ADGRB3: variants seen among roughly 807,000 people sequenced by gnomAD.
The protein encoded by ADGRB3 is brain-specific angiogenesis inhibitor 3.
In ADGRB3, 37 loss-of-function variants were observed where a neutral mutation model predicts 193.4. That is an observed-to-expected ratio of 0.19 (90% CI 0.15 to 0.25). The LOEUF (loss-of-function observed/expected upper bound fraction) is 0.25. ADGRB3 is among the 10% of genes least tolerant of loss of function. ADGRB3 has a pLI of 1.00. For missense variants in ADGRB3, 1,637 were observed against 1,852.9 expected (o/e 0.88, Z 2.14); for synonymous variants, 690 against 644.2 (o/e 1.07, Z -1.08).
intron 17 of ADGRB3, among the ~76,000 whole-genome samples, chr6:69,096,199 C>T (rs955408082): frequency 2.0e-5 from 3 of 152,096 alleles, no homozygotes; most frequent in Non-Finnish European, 4.4e-5. Context: ...TAATTTTTCA[C>T]CACTAACTGT....
intron 3 of ADGRB3, among the ~76,000 whole-genome samples, chr6:68,922,701 AATT>A: frequency 6.6e-6 from 1 of 152,230 alleles, no homozygotes; most frequent in African/African-American, 2.4e-5. Flanking sequence ...AGGTGCAGGG[AATT>A]TAAGGCGTGA....
chr6:68,705,311 T>C (rs561704161), intron 3 of ADGRB3, among the ~76,000 whole-genome samples: 1 of 152,240 alleles, frequency 6.6e-6, no homozygotes, highest in South Asian at 2.1e-4. Context: ...TATCCATTGC[T>C]ATTTGTGTTT....
intron 3 of ADGRB3, among the ~76,000 whole-genome samples, chr6:68,728,789 A>C (rs1395630282): frequency 6.6e-6 from 1 of 151,618 alleles, no homozygotes; most frequent in Admixed American, 6.6e-5. Context: ...ACCAGAGTTC[A>C]ACAAAACATC....
At chr6:69,204,023 A>G (rs1765486533) in intron 17 of ADGRB3, among the ~76,000 whole-genome samples, 1 of 152,124 alleles carries the variant, frequency 6.6e-6, no homozygotes, top group Admixed American at 6.6e-5. Context: ...TAACAATCCC[A>G]AAGCTGTGCC....
chr6:69,179,789 C>T (rs1460052698), intron 17 of ADGRB3, among the ~76,000 whole-genome samples: 2 of 152,166 alleles, frequency 1.3e-5, no homozygotes, highest in Non-Finnish European at 2.9e-5. Context: ...TTATATTGGA[C>T]TGTGCAGTTT....
rs530178610 is a variant in ADGRB3, at chr6:69,011,064, T to C, written c.1930-2974T>C. On this transcript the variant is annotated intron_variant, in intron 11 of 31. Coordinates refer to ENST00000370598, the MANE Select transcript of ADGRB3 (RefSeq NM_001704.3). ...TGTTAGGTTTGGTTCTATTTATCAG[T>C]CTGATAGTTTAGTAAATGTCAAAGT... Among the ~76,000 whole-genome samples the C allele has an allele frequency of 7.0e-4, 107 of 152,036 alleles. 1 individual carries two copies. The highest frequency in any genetic ancestry group is 2.5e-3 in the African/African-American group (102 of 41,486).
intron 17 of ADGRB3, among the ~76,000 whole-genome samples, chr6:69,152,719 C>T (rs970288623): frequency 2.6e-5 from 4 of 152,152 alleles, no homozygotes; most frequent in African/African-American, 9.7e-5. Flanking sequence ...AAAGGATGCA[C>T]ATTTAAGAAA....
intron 3 of ADGRB3, among the ~76,000 whole-genome samples, chr6:68,862,686 A>C (rs1034301087): frequency 3.3e-5 from 5 of 152,044 alleles, no homozygotes; most frequent in African/African-American, 1.2e-4. Context: ...TTTTAGTTTA[A>C]AGGTCTGATA....
intron 17 of ADGRB3, among the ~76,000 whole-genome samples, chr6:69,196,463 A>T (rs114085544): frequency 2.2e-3 from 337 of 152,204 alleles, no homozygotes; most frequent in African/African-American, 7.6e-3. Context: ...TTGTTTCATA[A>T]GAGTCCTCTC....
chr6:69,376,286 T>TG (rs1328797234), intron 30 of ADGRB3, among the ~76,000 whole-genome samples: 2 of 151,662 alleles, frequency 1.3e-5, no homozygotes, highest in African/African-American at 4.8e-5. Flanking sequence ...TTTGTATAGA[T>TG]GGGGTCTCAC....
At chr6:68,645,285 G>T (rs1283401226) in intron 3 of ADGRB3, among the ~76,000 whole-genome samples, 1 of 151,872 alleles carries the variant, frequency 6.6e-6, no homozygotes, top group South Asian at 2.1e-4. Context: ...CTTCTTTTCA[G>T]AGTAGGCTAG....
intron 17 of ADGRB3, among the ~76,000 whole-genome samples, chr6:69,195,974 A>G (rs1200048766): frequency 6.6e-6 from 1 of 152,162 alleles, no homozygotes; most frequent in Non-Finnish European, 1.5e-5. Flanking sequence ...ATAATAATTC[A>G]TGGAAAGGAC....
At chr6:69,222,746 G>C (rs779466) in intron 17 of ADGRB3, among the ~76,000 whole-genome samples, 2 of 152,048 alleles carry the variant, frequency 1.3e-5, no homozygotes, top group South Asian at 2.1e-4. Flanking sequence ...CTATTATTGA[G>C]TAGGTACAAA....
At chr6:69,283,984 C>T (rs970013808) in intron 20 of ADGRB3, among the ~76,000 whole-genome samples, 14 of 152,110 alleles carry the variant, frequency 9.2e-5, no homozygotes, top group Admixed American at 5.9e-4. Flanking sequence ...GAAAAACAAC[C>T]GTGACTCATG....
chr6:69,283,303 C>A (rs1214880465), intron 20 of ADGRB3, among the ~76,000 whole-genome samples: 1 of 152,082 alleles, frequency 6.6e-6, no homozygotes, highest in Non-Finnish European at 1.5e-5. Flanking sequence ...ACTGATATGC[C>A]CATGATACCC....
chr6:69,114,400 G>T (rs1260480773), intron 17 of ADGRB3, among the ~76,000 whole-genome samples: 1 of 152,056 alleles, frequency 6.6e-6, no homozygotes, highest in African/African-American at 2.4e-5. Flanking sequence ...TGTAGATTCT[G>T]GATGTTAGTC....
chr6:68,987,356 G>A (rs894273767), intron 10 of ADGRB3, among the ~76,000 whole-genome samples: 17 of 151,900 alleles, frequency 1.1e-4, no homozygotes, highest in South Asian at 2.1e-4. Flanking sequence ...CTTTAGAAAC[G>A]GTTACACATT....
chr6:69,230,581 GTAA>G (rs1009063332), intron 17 of ADGRB3, among the ~76,000 whole-genome samples: 2 of 152,138 alleles, frequency 1.3e-5, no homozygotes, highest in Non-Finnish European at 2.9e-5. Flanking sequence ...TATATAGTTT[GTAA>G]TAATAGTTAT....
intron 3 of ADGRB3, among the ~76,000 whole-genome samples, chr6:68,866,865 T>G (rs1765310492): frequency 6.6e-6 from 1 of 152,126 alleles, no homozygotes; most frequent in Non-Finnish European, 1.5e-5. Context: ...AGGAGAAACT[T>G]CCAAGTAAAA....
Sources: gnomAD v4.1 joint callset for allele counts (sites outside exome capture counted in the v4.1 genomes callset) on GRCh38, gnomAD v4.1.1 for gene constraint, MANE v1.5 for transcripts, NCBI Gene and HGNC (gene_info 2026-07-23, HGNC 2026-07-21) for gene names.